The following RBFOX3 variants were observed in gnomAD, a reference collection of about 807,000 sequenced individuals.
The protein encoded by RBFOX3 is RNA binding fox-1 homolog 3, also known as RNA binding protein fox-1 homolog 3.
A neutral mutation model predicts 48.7 loss-of-function variants in RBFOX3; 17 were observed. The ratio of observed to expected loss-of-function variants is 0.35; its 90% confidence interval spans 0.24 to 0.52. RBFOX3 has a LOEUF of 0.52. RBFOX3 is among the 20% of genes least tolerant of loss of function. The pLI, the probability that RBFOX3 is intolerant of heterozygous loss-of-function variation, is 0.94. For missense variants in RBFOX3, 382 were observed against 497.5 expected, an observed-to-expected ratio of 0.77 and a Z score of 2.21; for synonymous variants, 212 against 209.5, an observed-to-expected ratio of 1.01 and a Z score of -0.10.
chr17:79,322,494 A>G (rs2078679150), intron 2 of RBFOX3, among the ~76,000 whole-genome samples: 1 of 152,208 alleles, frequency 6.6e-6, no homozygotes, highest in African/African-American at 2.4e-5. Flanking sequence ...CAAGTGTAAC[A>G]GATTGGGCTA....
intron 1 of RBFOX3, among the ~76,000 whole-genome samples, chr17:79,512,341 G>A (rs2084442416): frequency 8.4e-6 from 1 of 118,916 alleles, no homozygotes; most frequent in Non-Finnish European, 1.7e-5. Flanking sequence ...GTTACCATCG[G>A]ATACAGCCCC....
At chr17:79,328,900 C>T (rs938356985) in intron 2 of RBFOX3, among the ~76,000 whole-genome samples, 5 of 152,152 alleles carry the variant, frequency 3.3e-5, no homozygotes, top group African/African-American at 1.2e-4. Context: ...CAGCAAAGGA[C>T]TCAGGGTCCG....
intron 2 of RBFOX3, among the ~76,000 whole-genome samples, chr17:79,321,732 G>A (rs2078553376): frequency 6.7e-6 from 1 of 148,730 alleles, no homozygotes; most frequent in Admixed American, 6.7e-5. Flanking sequence ...TATAGACGGA[G>A]TCTCACTGTG....
At chr17:79,490,895 T>C (rs1598916250) in intron 1 of RBFOX3, among the ~76,000 whole-genome samples, 1 of 149,382 alleles carries the variant, frequency 6.7e-6, no homozygotes, top group East Asian at 2.0e-4. Flanking sequence ...CATGCTTGAG[T>C]GAGTGCATGA....
At chr17:79,447,298 A>G (rs1413539600) in intron 2 of RBFOX3, among the ~76,000 whole-genome samples, 4 of 152,154 alleles carry the variant, frequency 2.6e-5, no homozygotes, top group Admixed American at 1.3e-4. Flanking sequence ...TCAGGGCTGG[A>G]GCTCTGAGCC....
At chr17:79,460,029 A>G (rs575186498) in intron 2 of RBFOX3, among the ~76,000 whole-genome samples, 1 of 152,282 alleles carries the variant, frequency 6.6e-6, no homozygotes, top group East Asian at 1.9e-4. Flanking sequence ...GTTTCACTCC[A>G]TTTCTACAAA....
chr17:79,645,160 G>A, the RBFOX3 span, among the ~76,000 whole-genome samples: 2 of 152,004 alleles, frequency 1.3e-5, no homozygotes, highest in African/African-American at 4.8e-5. Flanking sequence ...TGAAGCCCCC[G>A]AACGGTCTCC....
intron 4 of RBFOX3, among the ~76,000 whole-genome samples, chr17:79,225,330 G>T (rs1266451336): frequency 1.5e-4 from 21 of 135,710 alleles, no homozygotes; most frequent in African/African-American, 5.8e-4. Context: ...TCACTCTGTT[G>T]CTCAGGCTGG....
intron 3 of RBFOX3, among the ~76,000 whole-genome samples, chr17:79,278,792 G>A (rs961620597): frequency 1.3e-5 from 2 of 152,252 alleles, no homozygotes; most frequent in South Asian, 4.1e-4. Flanking sequence ...GAATAGCCAG[G>A]GCACATGATG....
chr17:79,105,924 C>T (rs533111561), intron 6 of RBFOX3, among the ~76,000 whole-genome samples: 1 of 152,316 alleles, frequency 6.6e-6, no homozygotes, highest in South Asian at 2.1e-4. Flanking sequence ...GCAGCCCCAG[C>T]CCCCTGCAGG....
intron 4 of RBFOX3, among the ~76,000 whole-genome samples, chr17:79,229,230 CAAAAAAAAAAAAAAAAAAAAAAA>C (rs59934894): frequency 1.5e-4 from 5 of 33,712 alleles, no homozygotes; most frequent in African/African-American, 6.0e-4. Flanking sequence ...GAGACTCTGT[CAAAAAAAAAAAAAAAAAAAAAAA>C]AAAAAAAAAA....
chr17:79,408,813 T>C (rs2063893991), intron 2 of RBFOX3, among the ~76,000 whole-genome samples: 1 of 152,160 alleles, frequency 6.6e-6, no homozygotes, highest in East Asian at 1.9e-4. Context: ...CACCAAGTAA[T>C]TATTGTAGTA....
At chr17:79,270,743 G>A (rs971935682) in intron 3 of RBFOX3, among the ~76,000 whole-genome samples, 1 of 152,214 alleles carries the variant, frequency 6.6e-6, no homozygotes, top group Non-Finnish European at 1.5e-5. Context: ...GGGCCTAGGG[G>A]GCAATGTGGG....
Position 79,565,890 on chromosome 17 carries a change from T to C in RBFOX3, c.-320+44936A>G, listed in dbSNP as rs1013535902. On this transcript the variant is annotated intron_variant, in intron 1 of 14. Coordinates refer to ENST00000693108, the MANE Select transcript of RBFOX3 (RefSeq NM_001350451.2). The stretch of plus-strand genomic sequence containing the variant: ...ACGCTACAGCTTGCTAAGTCATACA[T>C]GCAACCAGCTAGCTCTGTCTCACCA... Among the ~76,000 whole-genome samples, 324 of 152,342 alleles carry C rather than the reference T, an allele frequency of 2.1e-3. 2 individuals carry two copies. Among genetic ancestry groups the C allele is most frequent in the Non-Finnish European group, 3.7e-3 (252 of 68,034 alleles).
upstream of RBFOX3, among the ~76,000 whole-genome samples, chr17:79,614,198 G>A (rs1436149052): frequency 5.9e-5 from 9 of 152,330 alleles, 1 homozygote; most frequent in South Asian, 2.1e-4. Flanking sequence ...GGAGATCCTC[G>A]GATAGCCCCT....
At chr17:79,644,574 A>C in the RBFOX3 span, among the ~76,000 whole-genome samples, 1 of 152,208 alleles carries the variant, frequency 6.6e-6, no homozygotes, top group African/African-American at 2.4e-5. Flanking sequence ...TCAATACTTA[A>C]AGATCAATTG....
At chr17:79,497,817 C>G (rs2081774071) in intron 1 of RBFOX3, among the ~76,000 whole-genome samples, 2 of 152,212 alleles carry the variant, frequency 1.3e-5, no homozygotes, top group Non-Finnish European at 2.9e-5. Flanking sequence ...AATGGCCACC[C>G]CAGCAGGGAC....
intron 2 of RBFOX3, among the ~76,000 whole-genome samples, chr17:79,425,903 G>T (rs782229367): frequency 6.6e-6 from 1 of 152,166 alleles, no homozygotes; most frequent in Non-Finnish European, 1.5e-5. Context: ...AAAGAGGGGC[G>T]GGCACCAGGC....
chr17:79,485,451 C>T (rs1190769458), intron 1 of RBFOX3, among the ~76,000 whole-genome samples: 2 of 152,086 alleles, frequency 1.3e-5, no homozygotes, highest in Non-Finnish European at 2.9e-5. Flanking sequence ...AGCTCCAACC[C>T]CACTGCTCCC....
Sources: allele counts gnomAD v4.1 joint callset (sites outside exome capture counted in the v4.1 genomes callset), GRCh38; gene constraint gnomAD v4.1.1; transcripts MANE v1.5; gene names NCBI Gene and HGNC (gene_info 2026-07-23, HGNC 2026-07-21).